DYSF: variants seen among roughly 807,000 people sequenced by gnomAD.
DYSF encodes dystrophy-associated fer-1-like 1.
DYSF carries 212 observed loss-of-function variants against 274.9 expected under a neutral mutation model. That is an observed-to-expected ratio of 0.77 (90% CI 0.69 to 0.86). The LOEUF is 0.86. DYSF is among the 40% of genes least tolerant of loss of function. The probability of loss-of-function intolerance (pLI) is 0.00; values close to 1 mark genes in which losing one functional copy is unlikely to be tolerated. For missense variants in DYSF, 2,666 were observed against 2,783.2 expected, an observed-to-expected ratio of 0.96 and a Z score of 0.95; for synonymous variants, 1,091 against 1,078.7, an observed-to-expected ratio of 1.01 and a Z score of -0.22.
chr2:71,613,414 G>A lies in DYSF; in HGVS notation c.4464+4G>A, dbSNP rs541436678. On this transcript the variant is annotated splice_donor_region_variant and intron_variant, in intron 40 of 55. Transcript: ENST00000410020. ...GGAGCCCCTCATCCCCATCCAGGTAGGATGGGCATCCTCCAGGGAGGCCTG... is the reference window on the plus strand; with the variant it reads ...GGAGCCCCTCATCCCCATCCAGGTAAGATGGGCATCCTCCAGGGAGGCCTG... 6.2e-7 allele frequency: 1 copy of A among 1,611,768 alleles called. No homozygotes were observed. The highest frequency in any genetic ancestry group is 8.5e-7 in the Non-Finnish European group (1 of 1,179,022).
chr2:71,478,556 A>G (rs2152675420), intron 1 of DYSF, among the ~76,000 whole-genome samples: 1 of 152,278 alleles, frequency 6.6e-6, no homozygotes, highest in East Asian at 1.9e-4. Flanking sequence ...GTGACCAAAA[A>G]GTTTGAACTG....
chr2:71,526,396 C>G, intron 13 of DYSF, 50 bp downstream of exon 13: 2 of 1,342,242 alleles, frequency 1.5e-6, no homozygotes, highest in Admixed American at 2.1e-5. Flanking sequence ...GCTGGAGGCG[C>G]AGGGCTGGTG....
At chr2:71,589,767 G>C in intron 31 of DYSF, 81 bp downstream of exon 31, 1 of 1,350,710 alleles carries the variant, frequency 7.4e-7, no homozygotes, top group Non-Finnish European at 1.1e-6. Flanking sequence ...TATACGATCA[G>C]ATGTGTATGT....
intron 30 of DYSF, among the ~76,000 whole-genome samples, chr2:71,575,391 G>T (rs1032323186): frequency 6.6e-6 from 1 of 152,166 alleles, no homozygotes; most frequent in African/African-American, 2.4e-5. Context: ...CATAGGCTTC[G>T]GAGAGAGCCC....
chr2:71,500,108 CA>C (rs1195258559), intron 3 of DYSF, among the ~76,000 whole-genome samples: 2 of 152,156 alleles, frequency 1.3e-5, no homozygotes, highest in Non-Finnish European at 2.9e-5. Context: ...TCAAGGGCCC[CA>C]GACCTAGAGG....
Position 71,686,304 on chromosome 2 carries a change from G to A in DYSF, c.6322-150G>A. 6.5e-6 allele frequency: 6 copies of A among 926,478 alleles called. No homozygotes were observed. In the South Asian group the frequency reaches 7.8e-5, roughly 12 times the overall value. 57.4% of individuals were successfully genotyped at this position (926,478 alleles called of 1,614,324 possible). A position where few individuals can be genotyped will look rare whatever the true frequency, so the allele number is the denominator to read the frequency against. On this transcript the variant is annotated intron_variant, in intron 55 of 55. Transcript: ENST00000410020. ...AAGTGGTGAGGGCGAGGCGTGGGCAGGTGGTTGAAGAGCCACGAGCGTCCT... is the reference window on the plus strand; with the variant it reads ...AAGTGGTGAGGGCGAGGCGTGGGCAAGTGGTTGAAGAGCCACGAGCGTCCT...
At chr2:71,463,501 C>G (rs1395906753), upstream of DYSF, among the ~76,000 whole-genome samples, 1 of 152,208 alleles carries the variant, frequency 6.6e-6, no homozygotes, top group African/African-American at 2.4e-5. Flanking sequence ...TCCCAGCCCC[C>G]ACCGGCTCTG....
intron 55 of DYSF, among the ~76,000 whole-genome samples, chr2:71,684,876 G>A (rs553225014): frequency 6.6e-6 from 1 of 152,338 alleles, no homozygotes; most frequent in African/African-American, 2.4e-5. Flanking sequence ...CACTAGGTTA[G>A]CTCTGGCCTT....
rs1451503426 is a variant in DYSF at position 71,567,932 on chromosome 2, G to C, written c.2566-19G>C. On this transcript the variant is annotated intron_variant, in intron 24 of 55. Transcript: ENST00000410020. ...ATCCTGAAGGGGACTGTGGGTTTCT[G>C]TCCTTCTCTGGTACCCAGTATCCGA... The C allele has an allele frequency of 2.5e-6, 4 of 1,613,830 alleles. No homozygotes were observed. The highest frequency in any genetic ancestry group is 3.3e-5 in the Admixed American group (2 of 60,006).
intron 29 of DYSF, among the ~76,000 whole-genome samples, chr2:71,571,071 CACAG>C (rs2092400265): frequency 7.0e-6 from 1 of 143,286 alleles, no homozygotes; most frequent in African/African-American, 3.0e-5. Context: ...ACACCCAGCA[CACAG>C]ATTACACCCA....
chr2:71,528,436 A>T (rs1475100602), intron 14 of DYSF, 35 bp downstream of exon 14: 1 of 1,577,554 alleles, frequency 6.3e-7, no homozygotes. Flanking sequence ...TTCTCTCGGG[A>T]GGGGACTTTC....
intron 55 of DYSF, among the ~76,000 whole-genome samples, chr2:71,684,480 A>T (rs1213443273): frequency 1.3e-5 from 2 of 152,120 alleles, no homozygotes; most frequent in Non-Finnish European, 2.9e-5. Context: ...TGTTTTGGGG[A>T]TGAGGGAGAA....
At chr2:71,486,432 C>T (rs1428738458) in intron 3 of DYSF, among the ~76,000 whole-genome samples, 2 of 152,058 alleles carry the variant, frequency 1.3e-5, no homozygotes, top group African/African-American at 4.8e-5. Flanking sequence ...TCTTTCTCTC[C>T]TCCTTCTCTT....
Position 71,682,474 on chromosome 2 carries a change from G to A in DYSF, c.6174-56G>A, listed in dbSNP as rs915518009. ...GGACCTGCTGTTGAGAGAAGAGTTT[G>A]GAGAAAGCAGCCCTAGTAAAGGATG... On this transcript the variant is annotated intron_variant, in intron 54 of 55. Coordinates refer to ENST00000410020, the MANE Select transcript of DYSF (RefSeq NM_001130987.2). 6.2e-6 allele frequency: 10 copies of A among 1,612,048 alleles called. No homozygotes were observed. In the African/African-American group the frequency reaches 1.1e-4, roughly 17 times the overall value.
intron 17 of DYSF, among the ~76,000 whole-genome samples, chr2:71,545,279 A>G (rs2090375581): frequency 6.6e-6 from 1 of 152,250 alleles, no homozygotes; most frequent in Admixed American, 6.5e-5. Flanking sequence ...AATTTCAAGT[A>G]CACGCAAAGG....
chr2:71,569,747 C>A, intron 26 of DYSF, 73 bp from the exon 27 acceptor site: 1 of 1,331,384 alleles, frequency 7.5e-7, no homozygotes, highest in South Asian at 1.2e-5. Flanking sequence ...CAGGGGTGCT[C>A]TCCAGGAGGT....
intron 48 of DYSF, 117 bp from the exon 49 acceptor site, chr2:71,668,637 C>A (rs2152955336): frequency 1.0e-6 from 1 of 988,022 alleles, no homozygotes; most frequent in Non-Finnish European, 1.5e-6. Flanking sequence ...GTGAGGCTTT[C>A]TCTGGAAGGG....
At chr2:71,479,831 GCTTC>G (rs2082739886) in intron 1 of DYSF, among the ~76,000 whole-genome samples, 1 of 152,218 alleles carries the variant, frequency 6.6e-6, no homozygotes, top group South Asian at 2.1e-4. Flanking sequence ...GCCACATAGA[GCTTC>G]CTTGGGACAG....
At chr2:71,651,469 A>T (rs1164703434) in intron 42 of DYSF, among the ~76,000 whole-genome samples, 65 of 152,298 alleles carry the variant, frequency 4.3e-4, no homozygotes, top group African/African-American at 1.5e-3. Flanking sequence ...AAAGAGAAAC[A>T]GAACTGTCTC....
Sources: gnomAD v4.1 joint callset for allele counts (sites outside exome capture counted in the v4.1 genomes callset) on GRCh38, gnomAD v4.1.1 for gene constraint, MANE v1.5 for transcripts, NCBI Gene and HGNC (gene_info 2026-07-23, HGNC 2026-07-21) for gene names.